Variants in MYH9 observed in about 807,000 individuals in gnomAD.
MYH9 encodes the protein myosin heavy chain 9, also known as myosin-9.
Under a neutral mutation model 241.9 loss-of-function variants are expected in MYH9, and 29 were observed. The ratio of observed to expected loss-of-function variants is 0.12; its 90% CI spans 0.09 to 0.16. The LOEUF (loss-of-function observed/expected upper bound fraction) is 0.16. MYH9 is among the 10% of genes least tolerant of loss of function. MYH9 has a pLI of 1.00. For missense variants in MYH9, 1,803 were observed against 2,595.5 expected (o/e 0.69, Z 6.63); for synonymous variants, 1,047 against 1,062.6 (o/e 0.99, Z 0.29).
chr22:36,289,139 C>T lies in MYH9; in HGVS notation c.4503G>A (p.Gln1501=), dbSNP rs1014758704. 3 of 1,614,022 alleles carry T rather than the reference C, an allele frequency of 1.9e-6. No individual in the cohort carries two copies. The highest frequency in any genetic ancestry group is 2.7e-5 in the African/African-American group (2 of 74,954). ...TAAGGTCCTCCATCTCCGTGCGGAA[C>T]TGCTTGTTGAGCCGCTCCAGCTCCG... ...QKAELERLNK[Q]FRTEMEDLMS... The change falls in exon 32 of 41, where the codon CAG becomes CAA. Residue 1501 remains glutamine (Q), a synonymous_variant. Coordinates refer to ENST00000216181, the MANE Select transcript of MYH9 (RefSeq NM_002473.6).
intron 18 of MYH9, 26 bp from the exon 19 acceptor site, chr22:36,304,181 CCTGGCCAGCAA>C: frequency 8.1e-6 from 13 of 1,612,856 alleles, no homozygotes; most frequent in Non-Finnish European, 1.0e-5. Flanking sequence ...AGGCCGTTTA[CCTGGCCAGCAA>C]CTGGCCACAG....
chr22:36,296,379 C>A (rs183975147), intron 25 of MYH9, among the ~76,000 whole-genome samples: 9 of 152,128 alleles, frequency 5.9e-5, no homozygotes, highest in African/African-American at 2.2e-4. Flanking sequence ...AGATTACAGT[C>A]GTGTGCCACC....
chr22:36,346,512 CCTG>C (rs2017680597), intron 2 of MYH9, among the ~76,000 whole-genome samples: 1 of 152,222 alleles, frequency 6.6e-6, no homozygotes, highest in South Asian at 2.1e-4. Context: ...CCTGCCACCA[CCTG>C]CTTTTATTAC....
At chr22:36,342,041 G>C (rs2017599171) in intron 2 of MYH9, among the ~76,000 whole-genome samples, 1 of 152,214 alleles carries the variant, frequency 6.6e-6, no homozygotes, top group South Asian at 2.1e-4. Context: ...TAGATCCTTT[G>C]TGGGATAGTG....
At chr22:36,319,980 C>T (rs2017224445) in intron 9 of MYH9, 6 of 626,132 alleles carry the variant, frequency 9.6e-6, no homozygotes, top group Admixed American at 2.8e-5. Context: ...GCAGTGGACC[C>T]GAGTCCTGGG....
chr22:36,356,268 GCTGGC>G (rs905039017), intron 1 of MYH9, among the ~76,000 whole-genome samples: 127 of 152,234 alleles, frequency 8.3e-4, no homozygotes, highest in African/African-American at 2.8e-3. Flanking sequence ...TATCGAAGTA[GCTGGC>G]TTCCATTGTT....
chr22:36,342,116 C>T (rs1358281247), intron 2 of MYH9, among the ~76,000 whole-genome samples: 1 of 152,240 alleles, frequency 6.6e-6, no homozygotes, highest in Non-Finnish European at 1.5e-5. Flanking sequence ...ATCCCTCAAA[C>T]ACTTTAAGAC....
intron 10 of MYH9, 92 bp from the exon 11 acceptor site, chr22:36,318,417 C>G: frequency 9.5e-7 from 1 of 1,048,952 alleles, no homozygotes; most frequent in Non-Finnish European, 1.5e-6. Context: ...ATAAGTCCCT[C>G]TGCTTGACTT....
chr22:36,352,185 G>A (rs998966496), intron 1 of MYH9, among the ~76,000 whole-genome samples: 2 of 152,182 alleles, frequency 1.3e-5, no homozygotes, highest in African/African-American at 2.4e-5. Flanking sequence ...CTGTCCCCAC[G>A]AGCTGAGTGT....
chr22:36,294,402 C>G, intron 27 of MYH9, 104 bp from the exon 28 acceptor site: 2 of 1,275,180 alleles, frequency 1.6e-6, no homozygotes, highest in Non-Finnish European at 2.2e-6. Flanking sequence ...CTTCTGCAGC[C>G]CTGACGACGG....
At chr22:36,387,495 G>A (rs1292287572) in intron 1 of MYH9, among the ~76,000 whole-genome samples, 2 of 151,962 alleles carry the variant, frequency 1.3e-5, no homozygotes, top group Non-Finnish European at 2.9e-5. Flanking sequence ...GGGGGAGGTC[G>A]GCTCCAGTGC....
chr22:36,294,923 G>A lies in MYH9; in HGVS notation c.3630+9C>T. The A allele has an allele frequency of 6.2e-7, 1 of 1,611,654 alleles. No individual in the cohort carries two copies. On this transcript the variant is annotated intron_variant, in intron 27 of 40. Transcript: ENST00000216181. The stretch of plus-strand genomic sequence containing the variant: ...GCCCTCCCCCTGCGGTCTCAGGGAG[G>A]CTCCGCACCCGCTTCGTCTGCTCCA...
At chr22:36,308,169 T>C (rs2017002211) in intron 15 of MYH9, among the ~76,000 whole-genome samples, 1 of 152,158 alleles carries the variant, frequency 6.6e-6, no homozygotes, top group African/African-American at 2.4e-5. Context: ...CTGAACCTCA[T>C]GCTAAGACAC....
At chr22:36,297,822 G>C (rs150947573) in intron 24 of MYH9, among the ~76,000 whole-genome samples, 2 of 152,348 alleles carry the variant, frequency 1.3e-5, no homozygotes, top group Non-Finnish European at 2.9e-5. Flanking sequence ...GGAACGGCCA[G>C]GTCACCGGCA....
At chr22:36,328,816 T>C (rs2017375936) in intron 3 of MYH9, 1 of 152,242 alleles carries the variant, frequency 6.6e-6, no homozygotes, top group African/African-American at 2.4e-5. Context: ...TCGCACCACC[T>C]GGTCAGGGCC....
intron 1 of MYH9, among the ~76,000 whole-genome samples, chr22:36,383,675 G>A (rs1188023204): frequency 6.9e-6 from 1 of 144,386 alleles, no homozygotes; most frequent in African/African-American, 2.5e-5. Context: ...AGGGGGGGGG[G>A]TGCCAGGTGC....
chr22:36,322,589 G>T, intron 5 of MYH9, 68 bp from the exon 6 acceptor site: 1 of 1,465,784 alleles, frequency 6.8e-7, no homozygotes, highest in Non-Finnish European at 9.5e-7. Flanking sequence ...GCCCTGCCTG[G>T]AAGGGGGACG....
In MYH9 at chr22:36,343,727, G is replaced by A. The variant is rs144472592; in HGVS notation, c.334-2201C>T. On this transcript the variant is annotated intron_variant, in intron 2 of 40. Transcript: ENST00000216181. ...GAAAGCTCTGAAGAAGTGTAAACAC[G>A]GTATTGGCAACCTGCGGGCCCAGGC... Among the ~76,000 whole-genome samples, 315 of 152,226 alleles carry A rather than the reference G, an allele frequency of 2.1e-3. 1 individual carries two copies. The highest frequency in any genetic ancestry group is 7.1e-3 in the African/African-American group (295 of 41,540).
intron 24 of MYH9, among the ~76,000 whole-genome samples, chr22:36,298,137 C>T (rs760781518): frequency 1.6e-4 from 24 of 152,148 alleles, no homozygotes; most frequent in Admixed American, 1.1e-3. Flanking sequence ...GTGAGGGGGC[C>T]GGACAAGACT....
Sources: allele counts gnomAD v4.1 joint callset (sites outside exome capture counted in the v4.1 genomes callset), GRCh38; gene constraint gnomAD v4.1.1; transcripts MANE v1.5; gene names NCBI Gene and HGNC (gene_info 2026-07-23, HGNC 2026-07-21).